Variants in DPYD observed in about 807,000 individuals in gnomAD.
The protein encoded by DPYD is dihydropyrimidine dehydrogenase [NADP(+)].
DPYD carries 109 observed loss-of-function variants against 116.2 expected under a neutral mutation model. The observed-to-expected ratio is 0.94, with a 90% confidence interval of 0.80 to 1.10. The LOEUF (loss-of-function observed/expected upper bound fraction) is 1.10. Among genes scored for constraint, DPYD ranks in the 50% least tolerant of loss-of-function variants. DPYD has a pLI of 0.00. For synonymous variants in DPYD, 440 were observed against 432.0 expected (o/e 1.02, Z -0.23); for missense variants, 1,302 against 1,254.5 (o/e 1.04, Z -0.57).
intron 8 of DPYD, among the ~76,000 whole-genome samples, chr1:97,647,499 C>A (rs188279975): frequency 1.3e-5 from 2 of 151,764 alleles, no homozygotes; most frequent in South Asian, 4.1e-4. Context: ...ATTTATCCAG[C>A]GTGAGTGTTT....
In DPYD at chr1:97,593,257, G is replaced by A. The variant is rs764173823; in HGVS notation, c.1089C>T (p.Phe363=). ...CTCTTATATTAACAAAGCCTTTTCT[G>A]AAGACGATGAACACACGGCGAGCTC... ...RCGARRVFIV[F]RKGFVNIRAV... The change falls in exon 10 of 23, where the codon TTC becomes TTT. Residue 363 remains phenylalanine (F), a synonymous_variant. Transcript: ENST00000370192. 27 of 1,613,936 alleles carry A rather than the reference G, an allele frequency of 1.7e-5. No homozygotes were observed. In the Middle Eastern group the frequency reaches 6.6e-4, roughly 39 times the overall value.
At chr1:97,322,567 G>C (rs1668360713) in intron 16 of DPYD, 1 of 151,920 alleles carries the variant, frequency 6.6e-6, no homozygotes, top group Non-Finnish European at 1.5e-5. Context: ...ATGGATACTG[G>C]ATTTTATCTA....
chr1:97,294,351 G>A (rs1192706325), intron 18 of DPYD, among the ~76,000 whole-genome samples: 1 of 152,124 alleles, frequency 6.6e-6, no homozygotes, highest in Middle Eastern at 3.2e-3. Context: ...GAGAAAGAGT[G>A]TGAGCTCCTT....
At chr1:97,564,546 TTC>T (rs770778537) in intron 11 of DPYD, among the ~76,000 whole-genome samples, 12 of 152,248 alleles carry the variant, frequency 7.9e-5, no homozygotes, top group Non-Finnish European at 1.5e-4. Context: ...TTTTCAGTCA[TTC>T]TCTGTTTCCT....
intron 13 of DPYD, among the ~76,000 whole-genome samples, chr1:97,496,599 C>T (rs1557753102): frequency 6.6e-6 from 1 of 151,960 alleles, no homozygotes; most frequent in African/African-American, 2.4e-5. Context: ...TTTTACGGGG[C>T]TTTCTTTTTC....
At chr1:97,699,283 A>AC in intron 6 of DPYD, 68 bp downstream of exon 6, 28 of 1,472,694 alleles carry the variant, frequency 1.9e-5, no homozygotes, top group Non-Finnish European at 2.7e-5. Context: ...TTATGAACCA[A>AC]CAATATTCAT....
At chr1:97,434,198 A>G (rs1040230118) in intron 14 of DPYD, among the ~76,000 whole-genome samples, 8 of 152,140 alleles carry the variant, frequency 5.3e-5, no homozygotes, top group Non-Finnish European at 1.0e-4. Context: ...TTGCATGACT[A>G]AAATATTACA....
chr1:97,249,557 C>T (rs1662944358), intron 18 of DPYD, among the ~76,000 whole-genome samples: 1 of 149,804 alleles, frequency 6.7e-6, no homozygotes, highest in Admixed American at 6.6e-5. Context: ...CTGAATTAGG[C>T]AAAAATTTCA....
At chr1:97,723,913 CAT>C (rs1478333370) in intron 4 of DPYD, among the ~76,000 whole-genome samples, 2 of 151,560 alleles carry the variant, frequency 1.3e-5, no homozygotes, top group Admixed American at 6.6e-5. Context: ...TTGTATAAAA[CAT>C]ATAATAACAA....
chr1:97,697,531 T>C (rs1370062171), intron 6 of DPYD, among the ~76,000 whole-genome samples: 1 of 152,066 alleles, frequency 6.6e-6, no homozygotes, highest in Non-Finnish European at 1.5e-5. Flanking sequence ...TGACACAGAA[T>C]GCCTGTACCA....
rs1346185003 is a variant in DPYD, at chr1:97,740,540, C to T, written c.234-61G>A. ...GATAAGTGAGATAATCTATTTTCTA[C>T]CTTATACTCATTCAGAGTCCGTGTC... On this transcript the variant is annotated intron_variant, in intron 3 of 22. Transcript: ENST00000370192. The T allele has an allele frequency of 8.0e-6, 11 of 1,372,288 alleles. No individual in the cohort carries two copies. In the Admixed American group the frequency reaches 1.8e-4, roughly 23 times the overall value. The allele number at this position is 1,372,288 out of a possible 1,614,324, so 85.0% of individuals were successfully genotyped here. A position where few individuals can be genotyped will look rare whatever the true frequency, so the allele number is the denominator to read the frequency against.
At chr1:97,386,452 C>T (rs1288036857) in intron 14 of DPYD, among the ~76,000 whole-genome samples, 1 of 151,966 alleles carries the variant, frequency 6.6e-6, no homozygotes, top group Non-Finnish European at 1.5e-5. Flanking sequence ...GAGAGAGATC[C>T]CCTTTGCAGC....
chr1:97,706,973 GT>G (rs1401541143), intron 5 of DPYD, among the ~76,000 whole-genome samples: 1 of 152,012 alleles, frequency 6.6e-6, no homozygotes, highest in African/African-American at 2.4e-5. Flanking sequence ...GAAGAATAAA[GT>G]TCCTATTTCT....
intron 12 of DPYD, among the ~76,000 whole-genome samples, chr1:97,528,234 A>C (rs1054554391): frequency 6.6e-6 from 1 of 152,192 alleles, no homozygotes; most frequent in Non-Finnish European, 1.5e-5. Context: ...TATAATATAA[A>C]AACAGATTTC....
intron 1 of DPYD, among the ~76,000 whole-genome samples, chr1:97,904,938 T>C (rs966906036): frequency 6.6e-6 from 1 of 152,024 alleles, no homozygotes; most frequent in East Asian, 1.9e-4. Context: ...TCTTGAGTAA[T>C]AGCAAGGGCA....
intron 1 of DPYD, among the ~76,000 whole-genome samples, chr1:97,900,397 A>G (rs1044924572): frequency 1.3e-5 from 2 of 151,900 alleles, no homozygotes; most frequent in African/African-American, 4.8e-5. Flanking sequence ...CTGGTGGTCA[A>G]CTAGGTATGG....
intron 11 of DPYD, among the ~76,000 whole-genome samples, chr1:97,571,252 T>TA (rs1242208933): frequency 6.6e-6 from 1 of 151,980 alleles, no homozygotes; most frequent in African/African-American, 2.4e-5. Flanking sequence ...AGCAAGGTAA[T>TA]AGAGTGTCAC....
At chr1:97,784,668 CCTCT>C (rs1463965679) in intron 3 of DPYD, among the ~76,000 whole-genome samples, 1 of 152,136 alleles carries the variant, frequency 6.6e-6, no homozygotes, top group Admixed American at 6.5e-5. Flanking sequence ...AATCTACCTA[CCTCT>C]CTCCTATTTC....
chr1:97,593,235 TTA>T lies in DPYD; in HGVS notation c.1109_1110del (p.Ile370LysfsTer5), dbSNP rs749571474. ...CATTTTACCTCCTCAGGGACAGCTC[TTA>T]TATTAACAAAGCCTTTTCTGAAGAC... ...FIVFRKGFVN[I>X]RAVPEEMELA... On this transcript the variant is annotated frameshift_variant, in exon 10 of 23. Transcript: ENST00000370192. LOFTEE classifies it high-confidence loss of function. The T allele has an allele frequency of 1.9e-6, 3 of 1,614,122 alleles. No individual in the cohort carries two copies. Among genetic ancestry groups the T allele is most frequent in the Non-Finnish European group, 2.5e-6 (3 of 1,180,010 alleles).
Sources: allele counts gnomAD v4.1 joint callset (sites outside exome capture counted in the v4.1 genomes callset), GRCh38; gene constraint gnomAD v4.1.1; transcripts MANE v1.5; gene names NCBI Gene and HGNC (gene_info 2026-07-23, HGNC 2026-07-21).